ALCAM: variants seen among roughly 807,000 people sequenced by gnomAD.
ALCAM encodes the protein CD166 antigen.
ALCAM carries 30 observed loss-of-function variants against 70.9 expected under a neutral mutation model. The observed-to-expected ratio is 0.42, with a 90% CI of 0.32 to 0.57. The LOEUF is 0.57. Among genes scored for constraint, ALCAM ranks in the 20% least tolerant of loss-of-function variants. The pLI is 0.11. For synonymous variants in ALCAM, 249 were observed against 242.5 expected (o/e 1.03, Z -0.25); for missense variants, 591 against 695.1 (o/e 0.85, Z 1.68).
At chr3:105,571,448 A>G (rs1940858790) in intron 14 of ALCAM, among the ~76,000 whole-genome samples, 1 of 152,224 alleles carries the variant, frequency 6.6e-6, no homozygotes, top group South Asian at 2.1e-4. Flanking sequence ...ATGATAGGGA[A>G]CACCAGAAGG....
chr3:105,467,710 A>T (rs1270781549), intron 1 of ALCAM, among the ~76,000 whole-genome samples: 1 of 151,200 alleles, frequency 6.6e-6, no homozygotes, highest in Non-Finnish European at 1.5e-5. Context: ...GTTGGTTCTT[A>T]CTGACTTTAA....
At chr3:105,535,247 G>T (rs1205695357) in intron 6 of ALCAM, among the ~76,000 whole-genome samples, 4 of 151,970 alleles carry the variant, frequency 2.6e-5, no homozygotes, top group Non-Finnish European at 5.9e-5. Flanking sequence ...ATAGGATGTT[G>T]TATTACAAGA....
chr3:105,566,067 G>T (rs1940737628), intron 14 of ALCAM, among the ~76,000 whole-genome samples: 1 of 152,144 alleles, frequency 6.6e-6, no homozygotes, highest in South Asian at 2.1e-4. Flanking sequence ...TTTGCTACCT[G>T]TTGTCCAATG....
intron 1 of ALCAM, among the ~76,000 whole-genome samples, chr3:105,410,183 T>A (rs1323644437): frequency 6.6e-6 from 1 of 152,048 alleles, no homozygotes; most frequent in Non-Finnish European, 1.5e-5. Flanking sequence ...CTTTTGATGC[T>A]GTAACAGAAC....
At chr3:105,396,725 T>C (rs1301664322) in intron 1 of ALCAM, among the ~76,000 whole-genome samples, 1 of 152,036 alleles carries the variant, frequency 6.6e-6, no homozygotes, top group Non-Finnish European at 1.5e-5. Context: ...ATTATTGGGA[T>C]GGTTAACTCT....
At chr3:105,390,914 G>A (rs1431434161) in intron 1 of ALCAM, among the ~76,000 whole-genome samples, 3 of 152,022 alleles carry the variant, frequency 2.0e-5, no homozygotes, top group Non-Finnish European at 2.9e-5. Flanking sequence ...TAGATGTGTG[G>A]TGTTATTTCT....
chr3:105,374,506 C>G (rs2107322032), intron 1 of ALCAM, among the ~76,000 whole-genome samples: 3 of 151,982 alleles, frequency 2.0e-5, no homozygotes, highest in Non-Finnish European at 4.4e-5. Flanking sequence ...TAATGTGATG[C>G]TTGTTTTTTG....
At chr3:105,452,271 AT>A (rs1469510963) in intron 1 of ALCAM, among the ~76,000 whole-genome samples, 22 of 151,896 alleles carry the variant, frequency 1.4e-4, no homozygotes, top group Non-Finnish European at 2.8e-4. Flanking sequence ...CTCTGTGTCC[AT>A]GTGTTCTCAT....
intron 8 of ALCAM, among the ~76,000 whole-genome samples, chr3:105,544,429 A>AG: frequency 6.6e-6 from 1 of 151,404 alleles, no homozygotes; most frequent in Non-Finnish European, 1.5e-5. Flanking sequence ...CTTCATTTGT[A>AG]CCTCTGTTTC....
Position 105,571,877 on chromosome 3 carries a change from G to T in ALCAM, c.1690G>T (p.Asp564Tyr). ...GACTGCATCAAAACATGTAAACAAGGACCTCGGTAATATGGAAGAAAACAA... is the reference window on the plus strand; with the variant it reads ...GACTGCATCAAAACATGTAAACAAGTACCTCGGTAATATGGAAGAAAACAA... ...SKTASKHVNK[D>Y]LGNMEENKKL... The change falls in exon 15 of 16, where the codon GAC becomes TAC. Residue 564 changes from aspartate to tyrosine, a missense_variant. Physicochemically the swap from Asp to Tyr is radical, Grantham distance 160. Transcript: ENST00000306107. 1 of 1,612,956 alleles carries T rather than the reference G, an allele frequency of 6.2e-7. No individual in the cohort carries two copies. Among genetic ancestry groups the T allele is most frequent in the South Asian group, 1.1e-5 (1 of 91,002 alleles).
At chr3:105,530,206 A>T in intron 3 of ALCAM, among the ~76,000 whole-genome samples, 1 of 152,188 alleles carries the variant, frequency 6.6e-6, no homozygotes, top group South Asian at 2.1e-4. Flanking sequence ...CTTTTTGTTT[A>T]AATATTTCAG....
At chr3:105,513,164 C>T (rs1939287494) in intron 1 of ALCAM, among the ~76,000 whole-genome samples, 1 of 149,436 alleles carries the variant, frequency 6.7e-6, no homozygotes, top group South Asian at 2.1e-4. Flanking sequence ...CACTTAAGGG[C>T]CTGTGCCTTA....
intron 1 of ALCAM, among the ~76,000 whole-genome samples, chr3:105,396,528 A>G (rs1935954819): frequency 6.6e-6 from 1 of 152,086 alleles, no homozygotes; most frequent in African/African-American, 2.4e-5. Context: ...CCTAAAAGGT[A>G]GAAACAAAGG....
chr3:105,464,865 A>G (rs1048692274), intron 1 of ALCAM, among the ~76,000 whole-genome samples: 3 of 151,424 alleles, frequency 2.0e-5, no homozygotes, highest in Non-Finnish European at 4.4e-5. Flanking sequence ...AGATTTTGAC[A>G]GATGCATTCA....
At chr3:105,533,725 C>G in intron 5 of ALCAM, 35 bp downstream of exon 5, 1 of 1,571,846 alleles carries the variant, frequency 6.4e-7, no homozygotes, top group Non-Finnish European at 8.7e-7. Flanking sequence ...GGAGTACATT[C>G]AGAGGACCTG....
chr3:105,447,301 G>T (rs1344115047), intron 1 of ALCAM, among the ~76,000 whole-genome samples: 1 of 152,100 alleles, frequency 6.6e-6, no homozygotes, highest in Admixed American at 6.5e-5. Context: ...TTAGAATGTT[G>T]AGCTAAGACG....
At chr3:105,409,294 C>T (rs901452460) in intron 1 of ALCAM, among the ~76,000 whole-genome samples, 2 of 151,484 alleles carry the variant, frequency 1.3e-5, no homozygotes, top group African/African-American at 4.9e-5. Context: ...GGGACCAGTT[C>T]AAATGTCCAT....
chr3:105,417,091 C>G (rs1244368611), intron 1 of ALCAM, among the ~76,000 whole-genome samples: 1 of 151,830 alleles, frequency 6.6e-6, no homozygotes, highest in Admixed American at 6.6e-5. Context: ...CAAGCTTTGG[C>G]TTTTCTGAAC....
intron 14 of ALCAM, among the ~76,000 whole-genome samples, chr3:105,568,066 T>TA (rs1553684865): frequency 4.3e-4 from 25 of 57,886 alleles, no homozygotes; most frequent in South Asian, 1.4e-3. Context: ...TTATTTTATT[T>TA]TTTTTTTTTT....
Sources: allele counts gnomAD v4.1 joint callset (sites outside exome capture counted in the v4.1 genomes callset), GRCh38; gene constraint gnomAD v4.1.1; transcripts MANE v1.5; gene names NCBI Gene and HGNC (gene_info 2026-07-23, HGNC 2026-07-21).